Variants in ADAP2 observed in about 807,000 individuals in gnomAD.
ADAP2 encodes the protein ArfGAP with dual PH domains 2.
In ADAP2, 42 loss-of-function variants were observed where a neutral mutation model predicts 54.9. The ratio of observed to expected loss-of-function variants is 0.77; its 90% CI spans 0.60 to 0.99. ADAP2 has a LOEUF of 0.99. Among genes scored for constraint, ADAP2 ranks in the 50% least tolerant of loss-of-function variants. The probability of loss-of-function intolerance (pLI) is 0.00; values close to 1 mark genes in which losing one functional copy is unlikely to be tolerated. For missense variants in ADAP2, 429 were observed against 480.4 expected, an observed-to-expected ratio of 0.89 and a Z score of 1.00; for synonymous variants, 177 against 180.1, an observed-to-expected ratio of 0.98 and a Z score of 0.14.
At chr17:30,946,294 G>A (rs992000387) in intron 6 of ADAP2, among the ~76,000 whole-genome samples, 2 of 152,038 alleles carry the variant, frequency 1.3e-5, no homozygotes, top group Non-Finnish European at 2.9e-5. Context: ...GTGCAGTGGC[G>A]TGATCTCGGC....
At position 30,956,472 on chromosome 17, in the gene ADAP2, A is replaced by G. The variant is rs1296078448; in HGVS notation, c.1111+3A>G. 4.3e-6 allele frequency: 7 copies of G among 1,613,748 alleles called. No individual in the cohort carries two copies. The highest frequency in any genetic ancestry group is 5.9e-6 in the Non-Finnish European group (7 of 1,179,836). On this transcript the variant is annotated splice_donor_region_variant and intron_variant, in intron 10 of 10. Transcript: ENST00000330889. ...CTTGACGCCCCTCAACCGGCTTAGT[A>G]AGAAGCAGGAACTGAGGGGTGTTCT...
chr17:30,932,032 CT>C, intron 4 of ADAP2, 64 bp downstream of exon 4: 2 of 1,489,624 alleles, frequency 1.3e-6, no homozygotes. Context: ...AACCAAGTGC[CT>C]AAATATTAGG....
chr17:30,923,264 C>CTTT (rs375853030), intron 2 of ADAP2, among the ~76,000 whole-genome samples, 194 bp downstream of exon 2: 2 of 135,112 alleles, frequency 1.5e-5, no homozygotes, highest in African/African-American at 2.8e-5. Flanking sequence ...CATTTGCTTA[C>CTTT]TTTTTTTTTT....
At chr17:30,940,524 C>T (rs912577647) in intron 5 of ADAP2, among the ~76,000 whole-genome samples, 45 of 152,098 alleles carry the variant, frequency 3.0e-4, no homozygotes, top group African/African-American at 9.4e-4. Flanking sequence ...AGGCTGGTCT[C>T]GAACTCCTGA....
chr17:30,944,065 G>A lies in ADAP2; in HGVS notation c.511-842G>A, dbSNP rs1015287696. Among the ~76,000 whole-genome samples the A allele has an allele frequency of 7.2e-5, 11 of 151,876 alleles. No homozygotes were observed. The East Asian group carries it at 7.8e-4, about 11-fold the overall frequency. Reference sequence around the variant, plus strand: ...AAATTAGCTGGGTGTGGTGGCACACGTCTGTAATCCCAGCTACTCGAGAGG... The same window carrying A: ...AAATTAGCTGGGTGTGGTGGCACACATCTGTAATCCCAGCTACTCGAGAGG... On this transcript the variant is annotated intron_variant, in intron 5 of 10. Transcript: ENST00000330889.
intron 10 of ADAP2, chr17:30,956,714 T>G (rs1905099453): frequency 3.7e-6 from 2 of 537,824 alleles, no homozygotes; most frequent in Middle Eastern, 5.2e-4. Context: ...AGTTTGGCCC[T>G]GGCAGAACCC....
In ADAP2 at chr17:30,958,183, G is replaced by T. The variant is rs1051879898; in HGVS notation, c.*314G>T. The T allele has an allele frequency of 2.0e-5, 7 of 351,212 alleles. No homozygotes were observed. The highest frequency in any genetic ancestry group is 3.1e-5 in the Non-Finnish European group (6 of 191,290). 21.8% of individuals were successfully genotyped at this position (351,212 alleles called of 1,614,324 possible). ...TGAAATGGAGGCATTGCAATGAAAA[G>T]GCACCCACAGCATCATGCAAGTGGC... On this transcript the variant is annotated 3_prime_UTR_variant, in exon 11 of 11. Coordinates refer to ENST00000330889, the MANE Select transcript of ADAP2 (RefSeq NM_018404.3).
chr17:30,925,786 G>A (rs1278431726), intron 2 of ADAP2, among the ~76,000 whole-genome samples: 1 of 151,762 alleles, frequency 6.6e-6, no homozygotes, highest in Non-Finnish European at 1.5e-5. Flanking sequence ...TTGAGAGAGA[G>A]TCTTGCTCTA....
At chr17:30,948,221 T>C in intron 6 of ADAP2, among the ~76,000 whole-genome samples, 1 of 152,052 alleles carries the variant, frequency 6.6e-6, no homozygotes, top group African/African-American at 2.4e-5. Context: ...ACTTAAGACT[T>C]TTTTTTCTGA....
In ADAP2 at chr17:30,929,871, A is replaced by G. The variant is rs111623332; in HGVS notation, c.318-2018A>G. Reference sequence around the variant, plus strand: ...GCCACCATGCCTGGTTAATTTTTGTATTTTTGTTTGTTTTTATTTTTGTAG... The same window carrying G: ...GCCACCATGCCTGGTTAATTTTTGTGTTTTTGTTTGTTTTTATTTTTGTAG... On this transcript the variant is annotated intron_variant, in intron 3 of 10. Transcript: ENST00000330889. Among the ~76,000 whole-genome samples the G allele has an allele frequency of 1.5e-3, 226 of 151,422 alleles. 1 individual carries two copies. The highest frequency in any genetic ancestry group is 5.0e-3 in the African/African-American group (207 of 41,256).
intron 8 of ADAP2, 119 bp downstream of exon 8, chr17:30,953,469 C>A: frequency 9.5e-7 from 1 of 1,047,846 alleles, no homozygotes; most frequent in Non-Finnish European, 1.4e-6. Context: ...CTTGTCCAAC[C>A]CACAGCCCAT....
chr17:30,922,198 C>T (rs1306467037), intron 1 of ADAP2, 90 bp downstream of exon 1: 1 of 980,068 alleles, frequency 1.0e-6, no homozygotes, highest in East Asian at 3.5e-5. Flanking sequence ...GGGTCCCGCC[C>T]TCGGCCCCCT....
intron 7 of ADAP2, among the ~76,000 whole-genome samples, chr17:30,951,877 G>T (rs905281588): frequency 1.4e-5 from 2 of 144,956 alleles, no homozygotes; most frequent in Non-Finnish European, 3.0e-5. Context: ...GGATGGTCTC[G>T]ATCTCCTGAC....
rs138609950 is a variant in ADAP2 at position 30,927,987 on chromosome 17, C to T, written c.317+1069C>T. On this transcript the variant is annotated intron_variant, in intron 3 of 10. Transcript: ENST00000330889. ...TGAGCTAGGATCACATGTGTCACTG[C>T]ACTCTAGTATGAGTGACAGAGTGAG... Among the ~76,000 whole-genome samples, 351 of 151,350 alleles carry T rather than the reference C, an allele frequency of 2.3e-3. 1 individual carries two copies. The highest frequency in any genetic ancestry group is 8.0e-3 in the African/African-American group (329 of 41,148).
chr17:30,958,395 A>C lies in ADAP2; in HGVS notation c.*526A>C, dbSNP rs1905220026. On this transcript the variant is annotated 3_prime_UTR_variant, in exon 11 of 11. Transcript: ENST00000330889. ...CATTGCATTCCAGCCTGGGTGACAG[A>C]GCGAGACTCCGTATCAGAAAGAAAA... 1 of 152,904 alleles carries C rather than the reference A, an allele frequency of 6.5e-6. No homozygotes were observed. 9.5% of individuals were successfully genotyped at this position (152,904 alleles called of 1,614,324 possible). A position where few individuals can be genotyped will look rare whatever the true frequency, so the allele number is the denominator to read the frequency against.
At chr17:30,930,169 T>G (rs1911370185) in intron 3 of ADAP2, among the ~76,000 whole-genome samples, 1 of 151,988 alleles carries the variant, frequency 6.6e-6, no homozygotes, top group African/African-American at 2.4e-5. Context: ...CCTCCTGGGT[T>G]CAAGCGATTC....
chr17:30,956,332 G>T lies in ADAP2; in HGVS notation c.974G>T (p.Arg325Leu). The T allele has an allele frequency of 6.2e-7, 1 of 1,614,202 alleles. No homozygotes were observed. Among genetic ancestry groups the T allele is most frequent in the Non-Finnish European group, 8.5e-7 (1 of 1,180,030 alleles). The change falls in exon 10 of 11, where the codon CGC (arginine) becomes CTC (leucine). Residue 325 changes from arginine to leucine, a missense_variant. Arg to Leu is a moderately radical substitution (Grantham distance 102, BLOSUM62 -2). Transcript: ENST00000330889. ...EDLPKGIRGN[R>L]WKAGLTIVTP... Reference sequence around the variant, plus strand: ...CTGCCCAAGGGCATCCGAGGAAATCGCTGGAAAGCCGGACTCACCATTGTC... The same window carrying T: ...CTGCCCAAGGGCATCCGAGGAAATCTCTGGAAAGCCGGACTCACCATTGTC...
chr17:30,951,454 A>G (rs1904622012), intron 7 of ADAP2, among the ~76,000 whole-genome samples: 1 of 152,004 alleles, frequency 6.6e-6, no homozygotes, highest in Admixed American at 6.6e-5. Flanking sequence ...GTATTTTAAG[A>G]GAAGGGGAGT....
chr17:30,923,264 CT>C (rs375853030), intron 2 of ADAP2, among the ~76,000 whole-genome samples, 194 bp downstream of exon 2: 33,000 of 134,912 alleles, frequency 0.24, 3,260 homozygotes, highest in Middle Eastern at 0.28. Flanking sequence ...CATTTGCTTA[CT>C]TTTTTTTTTT....
Sources: allele counts gnomAD v4.1 joint callset (sites outside exome capture counted in the v4.1 genomes callset), GRCh38; gene constraint gnomAD v4.1.1; transcripts MANE v1.5; gene names NCBI Gene and HGNC (gene_info 2026-07-23, HGNC 2026-07-21).